The following KLHL18 variants were observed in gnomAD, a reference collection of about 807,000 sequenced individuals.
KLHL18 encodes kelch-like protein 18.
A neutral mutation model predicts 58.5 loss-of-function variants in KLHL18; 38 were observed. The observed-to-expected ratio is 0.65, with a 90% CI of 0.50 to 0.85. KLHL18 has a LOEUF of 0.85. Ranked by LOEUF, KLHL18 falls within the 40% of genes least tolerant of loss-of-function variation. The pLI is 0.00. For missense variants in KLHL18, 624 were observed against 778.4 expected (o/e 0.80, Z 2.36); for synonymous variants, 303 against 301.9 (o/e 1.00, Z -0.04).
At chr3:47,325,804 CTG>C (rs1703705223) in intron 3 of KLHL18, among the ~76,000 whole-genome samples, 1 of 150,070 alleles carries the variant, frequency 6.7e-6, no homozygotes, top group East Asian at 2.0e-4. Flanking sequence ...GAGTCTCACT[CTG>C]TCACCCAGGC....
chr3:47,324,306 T>TTTTTTTTTTTTTTTTTTTTTTTTTTTTTG, intron 3 of KLHL18, among the ~76,000 whole-genome samples: 1 of 100,630 alleles, frequency 9.9e-6, no homozygotes, highest in Non-Finnish European at 2.1e-5. Context: ...TTCTTTTTTT[T>TTTTTTTTTTTTTTTTTTTTTTTTTTTTTG]TTTTTTTTTT....
intron 8 of KLHL18, among the ~76,000 whole-genome samples, chr3:47,341,204 T>C (rs1330009843): frequency 6.6e-6 from 1 of 152,222 alleles, no homozygotes; most frequent in Non-Finnish European, 1.5e-5. Flanking sequence ...TGGGACTCAT[T>C]TGTGGAACAC....
chr3:47,295,396 A>G (rs1199906144), intron 1 of KLHL18, among the ~76,000 whole-genome samples: 1 of 152,016 alleles, frequency 6.6e-6, no homozygotes, highest in Non-Finnish European at 1.5e-5. Flanking sequence ...CCATCTCTCC[A>G]TGACTGTGTT....
chr3:47,308,711 T>C (rs1703207649), intron 1 of KLHL18, among the ~76,000 whole-genome samples: 1 of 151,952 alleles, frequency 6.6e-6, no homozygotes, highest in Admixed American at 6.6e-5. Context: ...TTTTCAACCC[T>C]TATCTCCCTC....
chr3:47,284,225 C>T (rs996526386), intron 1 of KLHL18, among the ~76,000 whole-genome samples: 2 of 151,694 alleles, frequency 1.3e-5, no homozygotes, highest in Admixed American at 6.6e-5. Flanking sequence ...CAGCAAGATC[C>T]TATTTCTCCT....
intron 1 of KLHL18, among the ~76,000 whole-genome samples, chr3:47,318,530 G>T (rs1289159797): frequency 6.6e-6 from 1 of 152,200 alleles, no homozygotes; most frequent in African/African-American, 2.4e-5. Flanking sequence ...CTGCACAAGG[G>T]TGTAAATACC....
rs1226432800 is a variant in KLHL18 at position 47,322,512 on chromosome 3, C to T, written c.261-56C>T. 3.3e-6 allele frequency: 5 copies of T among 1,502,804 alleles called. No individual in the cohort carries two copies. In the African/African-American group the frequency reaches 7.0e-5, roughly 21 times the overall value. The allele number at this position is 1,502,804 out of a possible 1,614,324, so 93.1% of individuals were successfully genotyped here. A position where few individuals can be genotyped will look rare whatever the true frequency, so the allele number is the denominator to read the frequency against. On this transcript the variant is annotated intron_variant, in intron 2 of 9. Coordinates refer to ENST00000232766, the MANE Select transcript of KLHL18 (RefSeq NM_025010.5). ...TCAGTTCAGTTAGGGCCTGAGTCTCCCGTGGGCCAAGACTCGTCTCTGAAA... is the reference window on the plus strand; with the variant it reads ...TCAGTTCAGTTAGGGCCTGAGTCTCTCGTGGGCCAAGACTCGTCTCTGAAA...
At position 47,342,874 on chromosome 3, in the gene KLHL18, TTTG is replaced by T. The variant is rs749975756; in HGVS notation, c.1338+45_1338+47del. On this transcript the variant is annotated intron_variant, in intron 9 of 9. Coordinates refer to ENST00000232766, the MANE Select transcript of KLHL18 (RefSeq NM_025010.5). ...TGGGATAAGGGTACCTACTTCTGTC[TTTG>T]AGATTTATTTTAGAAGATCATTATT... is the stretch of plus-strand genomic sequence containing the variant. 1.1e-4 allele frequency: 155 copies of T among 1,388,622 alleles called. 2 individuals carry two copies. In the African/African-American group the frequency reaches 1.9e-3, roughly 17 times the overall value. The allele number at this position is 1,388,622 out of a possible 1,614,324, so 86.0% of individuals were successfully genotyped here. A position where few individuals can be genotyped will look rare whatever the true frequency, so the allele number is the denominator to read the frequency against.
chr3:47,321,902 C>G (rs1307005265), intron 2 of KLHL18, among the ~76,000 whole-genome samples: 1 of 152,074 alleles, frequency 6.6e-6, no homozygotes, highest in Non-Finnish European at 1.5e-5. Context: ...TGCAAAGGCC[C>G]TGAGGTAAGA....
chr3:47,319,593 TTTG>T (rs1703536612), intron 1 of KLHL18, 57 bp from the exon 2 acceptor site: 7 of 1,579,444 alleles, frequency 4.4e-6, no homozygotes, highest in African/African-American at 2.7e-5. Flanking sequence ...GGTTTTTTTG[TTTG>T]TTTGTTTTTG....
chr3:47,301,818 T>C (rs1422426509), intron 1 of KLHL18, among the ~76,000 whole-genome samples: 1 of 152,132 alleles, frequency 6.6e-6, no homozygotes, highest in Non-Finnish European at 1.5e-5. Flanking sequence ...CTTTTTGAGA[T>C]AGGATGTTGC....
chr3:47,325,263 T>C (rs1243085749), intron 3 of KLHL18, among the ~76,000 whole-genome samples: 1 of 152,096 alleles, frequency 6.6e-6, no homozygotes, highest in Non-Finnish European at 1.5e-5. Context: ...AGTGGCGCGA[T>C]CTTGGCTCAC....
chr3:47,309,019 T>C (rs2107608355), intron 1 of KLHL18, among the ~76,000 whole-genome samples: 1 of 152,326 alleles, frequency 6.6e-6, no homozygotes, highest in Non-Finnish European at 1.5e-5. Context: ...AAGCACATCT[T>C]GCACCACCCT....
rs1703542371 is a variant in KLHL18 at position 47,319,796 on chromosome 3, A to G, written c.260+13A>G. ...GAATGGACCCAAGGTACTGAATCCC[A>G]CCATTAGGTTTCGCAGGCTGCTTTC... is the stretch of plus-strand genomic sequence containing the variant. On this transcript the variant is annotated intron_variant, in intron 2 of 9. Coordinates refer to ENST00000232766, the MANE Select transcript of KLHL18 (RefSeq NM_025010.5). 6.2e-7 allele frequency: 1 copy of G among 1,612,106 alleles called. No individual in the cohort carries two copies. The highest frequency in any genetic ancestry group is 8.5e-7 in the Non-Finnish European group (1 of 1,178,584).
chr3:47,315,449 TTAAGA>T (rs1385375659), intron 1 of KLHL18, among the ~76,000 whole-genome samples: 2 of 152,132 alleles, frequency 1.3e-5, no homozygotes, highest in African/African-American at 4.8e-5. Flanking sequence ...AAGAAGGGCT[TTAAGA>T]TAAGAGTTAT....
intron 1 of KLHL18, among the ~76,000 whole-genome samples, chr3:47,296,946 T>G (rs1214374105): frequency 2.6e-5 from 4 of 152,228 alleles, no homozygotes; most frequent in African/African-American, 7.2e-5. Context: ...TCCTGAGGAC[T>G]CTGCCCACTT....
At position 47,283,003 on chromosome 3, in the gene KLHL18, T is replaced by C; in HGVS notation, c.38T>C (p.Val13Ala). The change falls in exon 1 of 10, where the codon GTG becomes GCG. Residue 13 changes from valine to alanine, a missense_variant. Physicochemically the swap from Val to Ala is moderately conservative, Grantham distance 64 (BLOSUM62 0). Coordinates refer to ENST00000232766, the MANE Select transcript of KLHL18 (RefSeq NM_025010.5). ...GGCGCGGAGGAGCTGGAGGATCTGG[T>C]GCACTTCTCCGTGTCTGAGTTGCCT... ...EDGAEELEDLVHFSVSELPSR... is the reference protein window; with the variant it reads ...EDGAEELEDLAHFSVSELPSR... 6.2e-7 allele frequency: 1 copy of C among 1,610,992 alleles called. No individual in the cohort carries two copies. The highest frequency in any genetic ancestry group is 1.1e-5 in the South Asian group (1 of 90,368).
At chr3:47,314,845 T>G (rs975843721) in intron 1 of KLHL18, among the ~76,000 whole-genome samples, 1 of 152,206 alleles carries the variant, frequency 6.6e-6, no homozygotes, top group Non-Finnish European at 1.5e-5. Flanking sequence ...CAAGGTCCAA[T>G]TTGTTGTTCC....
intron 1 of KLHL18, among the ~76,000 whole-genome samples, chr3:47,295,839 C>T (rs74327839): frequency 6.6e-6 from 1 of 152,154 alleles, no homozygotes; most frequent in Non-Finnish European, 1.5e-5. Flanking sequence ...CTCGGCCTCA[C>T]AAAGTGCTGT....
Sources: gnomAD v4.1 joint callset for allele counts (sites outside exome capture counted in the v4.1 genomes callset) on GRCh38, gnomAD v4.1.1 for gene constraint, MANE v1.5 for transcripts, NCBI Gene and HGNC (gene_info 2026-07-23, HGNC 2026-07-21) for gene names.